CCNK: variants seen among roughly 807,000 people sequenced by gnomAD.
The protein encoded by CCNK is cyclin-K.
In CCNK, 9 loss-of-function variants were observed where a neutral mutation model predicts 65.0. The ratio of observed to expected loss-of-function variants is 0.14; its 90% CI spans 0.08 to 0.24. The LOEUF is 0.24. Among genes scored for constraint, CCNK ranks in the 10% least tolerant of loss-of-function variants. The pLI is 1.00. For synonymous variants in CCNK, 279 were observed against 270.8 expected (o/e 1.03, Z -0.30); for missense variants, 474 against 720.0 (o/e 0.66, Z 3.91).
At chr14:99,490,359 G>A (rs1896572624) in intron 1 of CCNK, among the ~76,000 whole-genome samples, 2 of 152,176 alleles carry the variant, frequency 1.3e-5, no homozygotes, top group Admixed American at 1.3e-4. Flanking sequence ...GTTAATAGTG[G>A]TTATACCAAA....
chr14:99,491,411 T>G (rs1211570407), intron 1 of CCNK, among the ~76,000 whole-genome samples: 2 of 152,208 alleles, frequency 1.3e-5, no homozygotes, highest in Non-Finnish European at 2.9e-5. Context: ...ATTGTCAAAC[T>G]TTGGGATTTT....
intron 4 of CCNK, among the ~76,000 whole-genome samples, chr14:99,499,485 T>C (rs1214396878): frequency 6.6e-6 from 1 of 152,222 alleles, no homozygotes; most frequent in Non-Finnish European, 1.5e-5. Flanking sequence ...TATAAAATAA[T>C]ACCATGCTTC....
intron 1 of CCNK, 141 bp downstream of exon 1, chr14:99,481,620 C>A: frequency 2.5e-6 from 1 of 392,706 alleles, no homozygotes; most frequent in South Asian, 1.4e-4. Flanking sequence ...CTCCGGTACA[C>A]ATTGAACTTT....
chr14:99,510,216 G>T lies in CCNK; in HGVS notation c.1177G>T (p.Ala393Ser), dbSNP rs1897087447. The change falls in exon 11 of 11, where the codon GCC becomes TCC. Residue 393 changes from alanine (A) to serine (S), a missense_variant. Physicochemically the swap from Ala to Ser is moderately conservative, Grantham distance 99. Coordinates refer to ENST00000389879, the MANE Select transcript of CCNK (RefSeq NM_001099402.2). Reference protein sequence around the residue: ...GEAEPPGPVDATDLPKVQIPP... With the variant: ...GEAEPPGPVDSTDLPKVQIPP... ...GGCTGAGCCGCCGGGCCCTGTGGAT[G>T]CCACTGACCTCCCCAAAGTCCAGAT... 1.3e-6 allele frequency: 2 copies of T among 1,596,884 alleles called. No individual in the cohort carries two copies. Among genetic ancestry groups the T allele is most frequent in the African/African-American group, 1.3e-5 (1 of 74,616 alleles).
chr14:99,503,203 C>G, intron 8 of CCNK: 2 of 696,508 alleles, frequency 2.9e-6, no homozygotes, highest in South Asian at 1.5e-5. Context: ...CTGCCCGGCT[C>G]CAGCCCTGCT....
chr14:99,507,406 G>C (rs1469789635), intron 10 of CCNK: 2 of 463,028 alleles, frequency 4.3e-6, no homozygotes, highest in Admixed American at 6.9e-5. Context: ...GTGAGACCCT[G>C]TCTAAAAAAT....
chr14:99,500,616 T>G, intron 4 of CCNK, 150 bp from the exon 5 acceptor site: 1 of 638,868 alleles, frequency 1.6e-6, no homozygotes, highest in South Asian at 1.9e-5. Flanking sequence ...CTGAGCATGT[T>G]AAAAGTCTGA....
At chr14:99,505,702 A>T (rs1345829557) in intron 9 of CCNK, 1 of 152,128 alleles carries the variant, frequency 6.6e-6, no homozygotes, top group Non-Finnish European at 1.5e-5. Context: ...CACAAAACTT[A>T]AAAATCAGCT....
chr14:99,505,120 C>G (rs920253564), intron 9 of CCNK: 1 of 152,268 alleles, frequency 6.6e-6, no homozygotes, highest in Non-Finnish European at 1.5e-5. Context: ...GCAAGGGAAG[C>G]CATTGGAGAT....
In CCNK at chr14:99,492,809, C is replaced by T. The variant is rs1896622991; in HGVS notation, c.132C>T (p.Ala44=). 6.2e-7 allele frequency: 1 copy of T among 1,612,946 alleles called. No homozygotes were observed. Among genetic ancestry groups the T allele is most frequent in the African/African-American group, 1.3e-5 (1 of 74,910 alleles). Reference sequence around the variant, plus strand: ...CACAACTTGAAGGACTTGATCCAGCCACCGAGGCCCGGTACCGCCGAGAGG... The same window carrying T: ...CACAACTTGAAGGACTTGATCCAGCTACCGAGGCCCGGTACCGCCGAGAGG... ...TPSQLEGLDP[A]TEARYRREGA... The change falls in exon 2 of 11, where the codon GCC becomes GCT. Residue 44 remains alanine, a synonymous_variant. Coordinates refer to ENST00000389879, the MANE Select transcript of CCNK (RefSeq NM_001099402.2).
chr14:99,495,168 G>T (rs3918070), intron 3 of CCNK: 2 of 189,714 alleles, frequency 1.1e-5, no homozygotes, highest in African/African-American at 2.4e-5. Context: ...TTTTTCCACG[G>T]CAAAGCTTGC....
rs747181950 is a variant in CCNK, at chr14:99,510,246, C to G, written c.1207C>G (p.Pro403Ala). The G allele has an allele frequency of 3.2e-6, 5 of 1,581,614 alleles. No individual in the cohort carries two copies. Among genetic ancestry groups the G allele is most frequent in the Non-Finnish European group, 4.3e-6 (5 of 1,168,896 alleles). The part of the protein sequence containing the change: ...ATDLPKVQIP[P>A]PAHPAPVHQP... The stretch of plus-strand genomic sequence containing the variant: ...TGACCTCCCCAAAGTCCAGATTCCC[C>G]CTCCGGCCCACCCGGCCCCTGTGCA... Residue 403 changes from proline to alanine, a missense_variant, in exon 11 of 11, where the codon CCT becomes GCT. Physicochemically the swap from Pro to Ala is conservative, Grantham distance 27. Coordinates refer to ENST00000389879, the MANE Select transcript of CCNK (RefSeq NM_001099402.2).
chr14:99,493,603 T>C lies in CCNK; in HGVS notation c.279+8T>C. The C allele has an allele frequency of 6.4e-7, 1 of 1,556,602 alleles. No individual in the cohort carries two copies. The highest frequency in any genetic ancestry group is 8.8e-7 in the Non-Finnish European group (1 of 1,130,616). On this transcript the variant is annotated splice_region_variant and intron_variant, in intron 3 of 10. Coordinates refer to ENST00000389879, the MANE Select transcript of CCNK (RefSeq NM_001099402.2). The stretch of plus-strand genomic sequence containing the variant: ...AAGCAATTCCCAAGATATGTAAGTG[T>C]TTGAATTTTATTGTAATTCTCTGTC...
At chr14:99,491,537 A>C (rs574957452) in intron 1 of CCNK, among the ~76,000 whole-genome samples, 1 of 152,302 alleles carries the variant, frequency 6.6e-6, no homozygotes, top group Admixed American at 6.5e-5. Flanking sequence ...TGCCCAATTT[A>C]ATCAGTCACA....
chr14:99,502,266 ATC>A lies in CCNK; in HGVS notation c.638_639del (p.Leu213ArgfsTer8). On this transcript the variant is annotated frameshift_variant, in exon 7 of 11. Transcript: ENST00000389879. LOFTEE classifies it high-confidence loss of function. Reference sequence around the variant, plus strand: ...GAGATCATAGCAGTAGCAGTGATGTATCTCGCAGGACGTTTGTGCAAATTTGA... The same window carrying A: ...GAGATCATAGCAGTAGCAGTGATGTATCGCAGGACGTTTGTGCAAATTTGA... 1 of 1,608,280 alleles carries A rather than the reference ATC, an allele frequency of 6.2e-7. No homozygotes were observed. The highest frequency in any genetic ancestry group is 8.5e-7 in the Non-Finnish European group (1 of 1,177,200).
At chr14:99,503,255 C>T (rs1896885366) in intron 8 of CCNK, 6 of 641,358 alleles carry the variant, frequency 9.4e-6, no homozygotes, top group South Asian at 6.9e-5. Flanking sequence ...CTGTCGGTGT[C>T]GTTGCCGTGT....
At position 99,492,615 on chromosome 14, in the gene CCNK, C is replaced by T. The variant is rs1679091988; in HGVS notation, c.-52-11C>T. ...TATTCCTTTCCAACTTTGTTTTTCT[C>T]TTTCTCATAGGATTCTAACATTTTC... On this transcript the variant is annotated splice_polypyrimidine_tract_variant and intron_variant, in intron 1 of 10. Coordinates refer to ENST00000389879, the MANE Select transcript of CCNK (RefSeq NM_001099402.2). 1 of 1,422,116 alleles carries T rather than the reference C, an allele frequency of 7.0e-7. No individual in the cohort carries two copies. Among genetic ancestry groups the T allele is most frequent in the South Asian group, 1.3e-5 (1 of 75,894 alleles). 88.1% of individuals were successfully genotyped at this position (1,422,116 alleles called of 1,614,324 possible). A position where few individuals can be genotyped will look rare whatever the true frequency, so the allele number is the denominator to read the frequency against.
chr14:99,510,419 C>T lies in CCNK; in HGVS notation c.1380C>T (p.Ala460=), dbSNP rs1015956427. 4 of 1,550,484 alleles carry T rather than the reference C, an allele frequency of 2.6e-6. No homozygotes were observed. The highest frequency in any genetic ancestry group is 1.7e-4 in the Middle Eastern group (1 of 5,734). ...AGACCGAGGGACCCTCCTACGGTGC[C>T]CTGCCCCCCGCCTACGGCCCACCTG... ...MMKTEGPSYG[A]LPPAYGPPAH... Residue 460 remains alanine (A), a synonymous_variant, in exon 11 of 11, where the codon GCC becomes GCT. Transcript: ENST00000389879.
At chr14:99,493,251 C>G (rs1896631968) in intron 2 of CCNK, 1 of 474,322 alleles carries the variant, frequency 2.1e-6, no homozygotes, top group Admixed American at 3.8e-5. Flanking sequence ...GCACTCTAGC[C>G]TGGGTGACAG....
Sources: allele counts gnomAD v4.1 joint callset (sites outside exome capture counted in the v4.1 genomes callset), GRCh38; gene constraint gnomAD v4.1.1; transcripts MANE v1.5; gene names NCBI Gene and HGNC (gene_info 2026-07-23, HGNC 2026-07-21).